The following PHKB variants were observed in gnomAD, a reference collection of about 807,000 sequenced individuals.
PHKB encodes the protein phosphorylase b kinase regulatory subunit beta.
PHKB carries 122 observed loss-of-function variants against 152.1 expected under a neutral mutation model. The ratio of observed to expected loss-of-function variants is 0.80; its 90% CI spans 0.69 to 0.93. The LOEUF is 0.93. Among genes scored for constraint, PHKB ranks in the 40% least tolerant of loss-of-function variants. The pLI is 0.00. For synonymous variants in PHKB, 436 were observed against 464.9 expected (o/e 0.94, Z 0.80); for missense variants, 1,304 against 1,328.4 (o/e 0.98, Z 0.29).
At chr16:47,519,450 C>T (rs370575246) in intron 6 of PHKB, among the ~76,000 whole-genome samples, 2 of 152,192 alleles carry the variant, frequency 1.3e-5, no homozygotes, top group African/African-American at 4.8e-5. Context: ...GCTCTGCACT[C>T]ATCTGAAGGG....
chr16:47,637,501 AG>A (rs1266693102), intron 14 of PHKB, among the ~76,000 whole-genome samples: 1 of 152,168 alleles, frequency 6.6e-6, no homozygotes, highest in African/African-American at 2.4e-5. Flanking sequence ...CCAGCCACAG[AG>A]GTTTCTGGCT....
At chr16:47,495,974 A>G (rs1255830831) in intron 1 of PHKB, among the ~76,000 whole-genome samples, 1 of 152,206 alleles carries the variant, frequency 6.6e-6, no homozygotes, top group Non-Finnish European at 1.5e-5. Flanking sequence ...CTGAATGTAT[A>G]GGCCCTTTCT....
chr16:47,539,538 C>T (rs1023772342), intron 6 of PHKB, among the ~76,000 whole-genome samples: 1 of 151,946 alleles, frequency 6.6e-6, no homozygotes, highest in Non-Finnish European at 1.5e-5. Flanking sequence ...CTATTGGATA[C>T]ATTCCATTGG....
intron 8 of PHKB, among the ~76,000 whole-genome samples, chr16:47,584,956 A>C (rs1321748344): frequency 1.3e-5 from 2 of 152,138 alleles, no homozygotes; most frequent in Non-Finnish European, 2.9e-5. Context: ...TACAGTTGGT[A>C]CCCTTGGCCT....
At chr16:47,579,151 G>A (rs1971799962) in intron 7 of PHKB, among the ~76,000 whole-genome samples, 1 of 152,128 alleles carries the variant, frequency 6.6e-6, no homozygotes, top group South Asian at 2.1e-4. Context: ...GTTGTACTTA[G>A]TGAGAAGACT....
intron 14 of PHKB, among the ~76,000 whole-genome samples, chr16:47,626,312 C>T (rs1972709299): frequency 6.6e-6 from 1 of 152,148 alleles, no homozygotes; most frequent in Non-Finnish European, 1.5e-5. Context: ...CTGGGTGCCT[C>T]TGTAGTTGTT....
rs907182345 is a variant in PHKB at position 47,503,067 on chromosome 16, T to C, written c.382T>C (p.Cys128Arg). The change falls in exon 4 of 31, where the codon TGC (cysteine) becomes CGC (arginine). Residue 128 changes from cysteine (C) to arginine (R), a missense_variant. Physicochemically the swap from Cys to Arg is radical, Grantham distance 180. Coordinates refer to ENST00000323584, the MANE Select transcript of PHKB (RefSeq NM_000293.3). Reference sequence around the variant, plus strand: ...AAAATGCATGAGAGGAATTCTCTACTGCTATATGCGTCAGGCCGATAAGGT... The same window carrying C: ...AAAATGCATGAGAGGAATTCTCTACCGCTATATGCGTCAGGCCGATAAGGT... Reference protein sequence around the residue: ...AIKCMRGILYCYMRQADKVQQ... With the variant: ...AIKCMRGILYRYMRQADKVQQ... 1 of 1,608,964 alleles carries C rather than the reference T, an allele frequency of 6.2e-7. No homozygotes were observed. The highest frequency in any genetic ancestry group is 1.3e-5 in the African/African-American group (1 of 74,852).
At chr16:47,660,459 G>A in intron 20 of PHKB, 47 bp from the exon 21 acceptor site, 1 of 1,470,148 alleles carries the variant, frequency 6.8e-7, no homozygotes, top group African/African-American at 1.4e-5. Context: ...ATTAGAGTAT[G>A]GCTTGATGTA....
intron 14 of PHKB, among the ~76,000 whole-genome samples, chr16:47,617,045 C>T (rs1019490068): frequency 1.3e-5 from 2 of 151,892 alleles, no homozygotes; most frequent in Admixed American, 6.6e-5. Context: ...AAACCAACAA[C>T]CTTCCAGTGT....
chr16:47,659,106 G>C (rs989396692), intron 20 of PHKB, among the ~76,000 whole-genome samples: 3 of 152,200 alleles, frequency 2.0e-5, no homozygotes, highest in Non-Finnish European at 2.9e-5. Context: ...GTTCAAGAGT[G>C]ACCTGACTAT....
intron 28 of PHKB, among the ~76,000 whole-genome samples, chr16:47,696,139 T>C (rs1041984669): frequency 2.0e-5 from 3 of 148,402 alleles, no homozygotes; most frequent in Non-Finnish European, 4.4e-5. Flanking sequence ...ACATAGTCCT[T>C]TTTCTCAAAA....
chr16:47,590,892 C>T (rs371239213), intron 10 of PHKB: 3 of 152,216 alleles, frequency 2.0e-5, no homozygotes, highest in East Asian at 1.9e-4. Flanking sequence ...TACTCAAGTT[C>T]GCAGACTTTC....
intron 26 of PHKB, among the ~76,000 whole-genome samples, chr16:47,686,849 A>C (rs1245229550): frequency 1.3e-5 from 2 of 152,206 alleles, no homozygotes; most frequent in Non-Finnish European, 2.9e-5. Context: ...ACATTATCTC[A>C]ATAATCCCAA....
chr16:47,516,167 C>T (rs1970593547), intron 6 of PHKB, among the ~76,000 whole-genome samples: 1 of 152,120 alleles, frequency 6.6e-6, no homozygotes, highest in Admixed American at 6.5e-5. Context: ...ACCTTGTGAT[C>T]CGCCCACCTC....
intron 1 of PHKB, among the ~76,000 whole-genome samples, chr16:47,483,090 G>C (rs1033548681): frequency 7.5e-6 from 1 of 133,604 alleles, no homozygotes. Context: ...CCTGGCTGGA[G>C]TGCAGTGGCG....
chr16:47,518,752 C>T (rs1970638368), intron 6 of PHKB, among the ~76,000 whole-genome samples: 1 of 152,146 alleles, frequency 6.6e-6, no homozygotes. Context: ...TAGAGAGAAA[C>T]TCATCATATA....
intron 6 of PHKB, among the ~76,000 whole-genome samples, chr16:47,544,317 C>T (rs1023648704): frequency 6.6e-6 from 1 of 152,158 alleles, no homozygotes; most frequent in African/African-American, 2.4e-5. Context: ...CAAAGAACAT[C>T]TTTATTTCTG....
intron 7 of PHKB, among the ~76,000 whole-genome samples, chr16:47,563,631 TGAACCCTAC>T (rs1971513533): frequency 6.6e-6 from 1 of 152,190 alleles, no homozygotes; most frequent in Non-Finnish European, 1.5e-5. Flanking sequence ...TCTTAATATT[TGAACCCTAC>T]TTTCTTTTTT....
At chr16:47,639,032 T>C (rs1411388913) in intron 14 of PHKB, among the ~76,000 whole-genome samples, 2 of 152,190 alleles carry the variant, frequency 1.3e-5, no homozygotes, top group Non-Finnish European at 2.9e-5. Context: ...CTCAACACTT[T>C]GGGAGGCCAG....
Sources: allele counts gnomAD v4.1 joint callset (sites outside exome capture counted in the v4.1 genomes callset), GRCh38; gene constraint gnomAD v4.1.1; transcripts MANE v1.5; gene names NCBI Gene and HGNC (gene_info 2026-07-23, HGNC 2026-07-21).